The following KIF26B variants were observed in gnomAD, a reference collection of about 807,000 sequenced individuals.
KIF26B encodes kinesin-like protein KIF26B.
In KIF26B, 63 loss-of-function variants were observed where a neutral mutation model predicts 151.2. That is an observed-to-expected ratio of 0.42 (90% CI 0.34 to 0.51). KIF26B has a LOEUF of 0.51. Ranked by LOEUF, KIF26B falls within the 20% of genes least tolerant of loss-of-function variation. KIF26B has a pLI of 0.07. For missense variants in KIF26B, 2,813 were observed against 2,913.6 expected, an observed-to-expected ratio of 0.97 and a Z score of 0.79; for synonymous variants, 1,357 against 1,262.1, an observed-to-expected ratio of 1.08 and a Z score of -1.59.
chr1:245,217,419 C>T (rs1669670702), intron 2 of KIF26B, among the ~76,000 whole-genome samples: 1 of 146,870 alleles, frequency 6.8e-6, no homozygotes, highest in Non-Finnish European at 1.5e-5. Context: ...CGCTGGAGTG[C>T]AATGGCACAA....
In KIF26B at chr1:245,364,766, A is replaced by G. The variant is rs145090087; in HGVS notation, c.466-2068A>G. 1.3e-3 allele frequency among the ~76,000 whole-genome samples: 201 copies of G among 152,168 alleles called. 1 individual carries two copies. The highest frequency in any genetic ancestry group is 4.6e-3 in the African/African-American group (189 of 41,506). On this transcript the variant is annotated intron_variant, in intron 2 of 14. Transcript: ENST00000407071. ...GCCTCCTTTCTGTGGCACCTCTTCC[A>G]TATGATTGGGTTAGTAAAAATATTC... is the stretch of plus-strand genomic sequence containing the variant.
intron 2 of KIF26B, among the ~76,000 whole-genome samples, chr1:245,270,448 A>T (rs148580351): frequency 0.011 from 1,691 of 149,348 alleles, 35 homozygotes; most frequent in Admixed American, 0.042. Context: ...GTGTTTCTAT[A>T]ATCATGGCCA....
intron 5 of KIF26B, among the ~76,000 whole-genome samples, chr1:245,596,022 T>G (rs983343474): frequency 6.6e-6 from 1 of 152,202 alleles, no homozygotes; most frequent in Non-Finnish European, 1.5e-5. Flanking sequence ...CCTTTATCAT[T>G]TTTTATTGTG....
At chr1:245,284,625 T>G (rs1414378593) in intron 2 of KIF26B, among the ~76,000 whole-genome samples, 1 of 152,194 alleles carries the variant, frequency 6.6e-6, no homozygotes, top group Non-Finnish European at 1.5e-5. Flanking sequence ...TAGAGTTCTC[T>G]CATTTAGATT....
chr1:245,695,691 CCG>C (rs1439356739), intron 12 of KIF26B, among the ~76,000 whole-genome samples: 59 of 152,326 alleles, frequency 3.9e-4, no homozygotes, highest in African/African-American at 1.3e-3. Context: ...AAGTAGATAC[CCG>C]CCAGGATATT....
intron 5 of KIF26B, among the ~76,000 whole-genome samples, chr1:245,600,310 T>C (rs770266809): frequency 4.2e-5 from 6 of 143,876 alleles, no homozygotes; most frequent in Non-Finnish European, 9.2e-5. Flanking sequence ...AGTGCTGGGA[T>C]TACAGGCGTG....
At chr1:245,307,328 G>A (rs1236467393) in intron 2 of KIF26B, among the ~76,000 whole-genome samples, 3 of 152,268 alleles carry the variant, frequency 2.0e-5, no homozygotes, top group East Asian at 1.9e-4. Flanking sequence ...CCATTTCAGC[G>A]AGGAGGAATT....
intron 4 of KIF26B, among the ~76,000 whole-genome samples, chr1:245,499,719 C>T (rs1268075177): frequency 6.6e-6 from 1 of 152,214 alleles, no homozygotes; most frequent in Non-Finnish European, 1.5e-5. Context: ...CAGTAGTGCG[C>T]ATGGCACTCC....
intron 2 of KIF26B, among the ~76,000 whole-genome samples, chr1:245,220,856 C>T (rs376876355): frequency 3.9e-4 from 59 of 152,002 alleles, no homozygotes; most frequent in African/African-American, 1.4e-3. Context: ...TGGTTTTGTC[C>T]CCCACGGGTA....
In KIF26B at chr1:245,662,346, C is replaced by CTATA. The variant is rs199768176; in HGVS notation, c.2258+16075_2258+16078dup. 1.3e-3 allele frequency among the ~76,000 whole-genome samples: 183 copies of CTATA among 146,004 alleles called. 2 individuals carry two copies. The highest frequency in any genetic ancestry group is 2.1e-3 in the Non-Finnish European group (139 of 66,628). On this transcript the variant is annotated intron_variant, in intron 10 of 14. Transcript: ENST00000407071. Reference sequence around the variant, plus strand: ...ACCTAATGATATATACACACACACCCTATATATATATACACCCAGTGATAT... The same window carrying CTATA: ...ACCTAATGATATATACACACACACCCTATATATATATATATACACCCAGTGATAT...
Position 245,699,022 on chromosome 1 carries a change from A to G in KIF26B, c.6163A>G (p.Lys2055Glu). ...ACAGTATCTGATGCTGGATCCCAAC[A>G]AGTGGCTCAGTGAATGTAAGGCCGG... The part of the protein sequence containing the change: ...TKQYLMLDPN[K>E]WLSEFDLEQV... Residue 2055 changes from lysine (K) to glutamate (E), a missense_variant, in exon 14 of 15, where the codon AAG becomes GAG. Transcript: ENST00000407071. The G allele has an allele frequency of 1.2e-6, 2 of 1,613,786 alleles. No homozygotes were observed. Among genetic ancestry groups the G allele is most frequent in the Non-Finnish European group, 1.7e-6 (2 of 1,179,736 alleles).
rs1313589086 is a variant in KIF26B at position 245,440,620 on chromosome 1, T to C, written c.1166+20875T>C. ...ACTCCATAGAGGGTCACAGCCTGCC[T>C]CTCTTGCACAGAAAGAGATGGAATT... On this transcript the variant is annotated intron_variant, in intron 4 of 14. Transcript: ENST00000407071. Among the ~76,000 whole-genome samples the C allele has an allele frequency of 2.6e-5, 4 of 152,164 alleles. No individual in the cohort carries two copies. The East Asian group carries it at 7.7e-4, about 29-fold the overall frequency.
chr1:245,595,827 C>T (rs1316573764), intron 5 of KIF26B, among the ~76,000 whole-genome samples: 1 of 152,120 alleles, frequency 6.6e-6, no homozygotes, highest in African/African-American at 2.4e-5. Flanking sequence ...GAAATTACTG[C>T]CTCAATTTCA....
At chr1:245,226,958 T>C (rs577929694) in intron 2 of KIF26B, among the ~76,000 whole-genome samples, 7 of 152,304 alleles carry the variant, frequency 4.6e-5, no homozygotes, top group African/African-American at 1.7e-4. Context: ...CTCACGGACA[T>C]CCAGTGCCAC....
chr1:245,177,237 C>CACT (rs1668823702), intron 2 of KIF26B, among the ~76,000 whole-genome samples: 1 of 152,218 alleles, frequency 6.6e-6, no homozygotes, highest in Non-Finnish European at 1.5e-5. Context: ...AGGTATGAGT[C>CACT]ACTACATCTG....
intron 4 of KIF26B, among the ~76,000 whole-genome samples, chr1:245,424,227 C>G (rs1768097): frequency 6.6e-6 from 1 of 152,088 alleles, no homozygotes; most frequent in African/African-American, 2.4e-5. Flanking sequence ...GCGATCTCCG[C>G]TCGCTGCAAC....
chr1:245,246,894 GACACAC>G (rs1670341561), intron 2 of KIF26B, among the ~76,000 whole-genome samples: 1 of 51,686 alleles, frequency 1.9e-5, no homozygotes, highest in African/African-American at 6.2e-5. Context: ...CACACACACA[GACACAC>G]ACACACAGAC....
At chr1:245,684,820 C>CTG (rs2044488520) in intron 11 of KIF26B, among the ~76,000 whole-genome samples, 1 of 152,246 alleles carries the variant, frequency 6.6e-6, no homozygotes, top group Non-Finnish European at 1.5e-5. Context: ...GGGCCCCTCC[C>CTG]CTGCTGCATG....
At chr1:245,265,010 T>C (rs1007263028) in intron 2 of KIF26B, among the ~76,000 whole-genome samples, 17 of 151,140 alleles carry the variant, frequency 1.1e-4, no homozygotes, top group South Asian at 2.1e-4. Flanking sequence ...CCATCCTGGC[T>C]AACACGGTGA....
Sources: allele counts gnomAD v4.1 joint callset (sites outside exome capture counted in the v4.1 genomes callset), GRCh38; gene constraint gnomAD v4.1.1; transcripts MANE v1.5; gene names NCBI Gene and HGNC (gene_info 2026-07-23, HGNC 2026-07-21).